Variants in CFAP46 observed in about 807,000 individuals in gnomAD.
CFAP46 encodes the protein cilia- and flagella-associated protein 46.
In CFAP46, 245 loss-of-function variants were observed where a neutral mutation model predicts 325.7. The observed-to-expected ratio is 0.75, with a 90% CI of 0.68 to 0.84. CFAP46 has a LOEUF of 0.84. Ranked by LOEUF, CFAP46 falls within the 40% of genes least tolerant of loss-of-function variation. The pLI is 0.00. For missense variants in CFAP46, 3,346 were observed against 3,543.0 expected (o/e 0.94, Z 1.41); for synonymous variants, 1,523 against 1,495.9 (o/e 1.02, Z -0.42).
rs1315386611 is a variant in CFAP46 at position 132,846,975 on chromosome 10, G to A, written c.6224C>T (p.Thr2075Ile). The A allele has an allele frequency of 1.2e-6, 2 of 1,611,038 alleles. No homozygotes were observed. The highest frequency in any genetic ancestry group is 1.7e-5 in the Admixed American group (1 of 59,978). ...ASLEMVECVG[T>I]LDPATTCQFL... Reference sequence around the variant, plus strand: ...CTGGCAGGTAGTTGCAGGGTCCAGGGTGCCGACACACTCCACCATCTCCAG... The same window carrying A: ...CTGGCAGGTAGTTGCAGGGTCCAGGATGCCGACACACTCCACCATCTCCAG... The change falls in exon 43 of 58, where the codon ACC (threonine) becomes ATC (isoleucine). Residue 2075 changes from threonine (T) to isoleucine (I), a missense_variant. Coordinates refer to ENST00000368586, the MANE Select transcript of CFAP46 (RefSeq NM_001200049.3).
intron 7 of CFAP46, among the ~76,000 whole-genome samples, 185 bp downstream of exon 7, chr10:132,936,776 T>C (rs1256643250): frequency 1.3e-5 from 2 of 152,226 alleles, no homozygotes; most frequent in African/African-American, 2.4e-5. Context: ...GGGCCAGGAA[T>C]TGGGGTGGCC....
chr10:132,936,854 C>T (rs1591102107), intron 7 of CFAP46, 107 bp downstream of exon 7: 5 of 544,574 alleles, frequency 9.2e-6, no homozygotes, highest in South Asian at 1.2e-4. Context: ...CAACTCCAGA[C>T]TCACAGGCCC....
At position 132,832,829 on chromosome 10, in the gene CFAP46, G is replaced by A; in HGVS notation, c.7117+529C>T. ...TGAGTGATTAACGGAGAGGCTGGCT[G>A]TTTACTACACATCTGGTCCCCTCCT... is the stretch of plus-strand genomic sequence containing the variant. On this transcript the variant is annotated intron_variant, in intron 50 of 57. Coordinates refer to ENST00000368586, the MANE Select transcript of CFAP46 (RefSeq NM_001200049.3). The surrounding 1 kb of genome is among the most constrained non-coding windows in gnomAD (Gnocchi z 4.1). 1 of 470,820 alleles carries A rather than the reference G, an allele frequency of 2.1e-6. No homozygotes were observed. The highest frequency in any genetic ancestry group is 1.5e-5 in the South Asian group (1 of 64,556). The allele number at this position is 470,820 out of a possible 1,614,324, so 29.2% of individuals were successfully genotyped here. A position where few individuals can be genotyped will look rare whatever the true frequency, so the allele number is the denominator to read the frequency against.
chr10:132,848,960 A>G (rs12243999), intron 41 of CFAP46, among the ~76,000 whole-genome samples: 14,882 of 152,272 alleles, frequency 0.098, 737 homozygotes, highest in South Asian at 0.13. Flanking sequence ...ACAGCCTTGA[A>G]TACAAGAAAA....
intron 41 of CFAP46, among the ~76,000 whole-genome samples, chr10:132,849,295 C>G (rs1277129540): frequency 6.6e-6 from 1 of 152,252 alleles, no homozygotes; most frequent in Non-Finnish European, 1.5e-5. Context: ...CATCAATTCA[C>G]TCGAGGTACA....
chr10:132,861,155 G>A (rs1211286632), intron 35 of CFAP46, among the ~76,000 whole-genome samples, 173 bp from the exon 36 acceptor site: 1 of 152,196 alleles, frequency 6.6e-6, no homozygotes, highest in Non-Finnish European at 1.5e-5. Flanking sequence ...TGGGGCCCAT[G>A]GCCGCCCTCG....
chr10:132,831,888 G>A (rs1431571645), intron 50 of CFAP46, among the ~76,000 whole-genome samples: 3 of 151,812 alleles, frequency 2.0e-5, no homozygotes, highest in Non-Finnish European at 4.4e-5. Flanking sequence ...TATAAACTCT[G>A]TGGGGTTTTT....
chr10:132,934,008 C>T (rs1849953421), intron 8 of CFAP46, among the ~76,000 whole-genome samples: 1 of 152,198 alleles, frequency 6.6e-6, no homozygotes, highest in Non-Finnish European at 1.5e-5. Context: ...TGCCCGGGTA[C>T]CTGAACCGCA....
chr10:132,855,206 C>T (rs1394830007), intron 39 of CFAP46, among the ~76,000 whole-genome samples: 3 of 152,166 alleles, frequency 2.0e-5, no homozygotes, highest in Admixed American at 6.5e-5. Flanking sequence ...TTGTGAAACT[C>T]TGTTATTAGC....
rs540827947 is a variant in CFAP46 at position 132,938,930 on chromosome 10, T to C, written c.372-177A>G. ...GGCCCAGCCTGCAGGAGCACCAGGA[T>C]GCAGAGCCCTTCCCTGGGACAGCCT... On this transcript the variant is annotated intron_variant, in intron 4 of 57. Coordinates refer to ENST00000368586, the MANE Select transcript of CFAP46 (RefSeq NM_001200049.3). Among the ~76,000 whole-genome samples the C allele has an allele frequency of 3.3e-5, 5 of 152,268 alleles. No homozygotes were observed. The South Asian group carries it at 8.3e-4, about 25-fold the overall frequency.
chr10:132,815,219 C>G (rs1847670415), intron 50 of CFAP46, among the ~76,000 whole-genome samples: 1 of 152,236 alleles, frequency 6.6e-6, no homozygotes, highest in Non-Finnish European at 1.5e-5. Flanking sequence ...CCGGGCCCCT[C>G]ACTGGTTCCA....
At chr10:132,822,816 GTGCTGTGTGTGCTGA>G (rs1847903167) in intron 50 of CFAP46, among the ~76,000 whole-genome samples, 1 of 99,870 alleles carries the variant, frequency 1.0e-5, no homozygotes, top group South Asian at 3.4e-4. Context: ...TGTGTGCTGT[GTGCTGTGTGTGCTGA>G]TGTGTGCTGA....
chr10:132,925,897 C>T (rs1024216689), intron 10 of CFAP46, among the ~76,000 whole-genome samples: 2 of 152,356 alleles, frequency 1.3e-5, no homozygotes, highest in African/African-American at 2.4e-5. Context: ...AGCGGAGCCT[C>T]GCACTGCCTG....
intron 50 of CFAP46, among the ~76,000 whole-genome samples, chr10:132,821,537 GATGTGTGC>G (rs1847829043): frequency 7.7e-6 from 1 of 129,900 alleles, no homozygotes; most frequent in African/African-American, 3.1e-5. Flanking sequence ...GATGTGTGCT[GATGTGTGC>G]TGTGTGCTGA....
intron 55 of CFAP46, among the ~76,000 whole-genome samples, chr10:132,811,403 C>G (rs1399784905): frequency 6.6e-6 from 1 of 152,212 alleles, no homozygotes; most frequent in Non-Finnish European, 1.5e-5. Flanking sequence ...GGAGCCCTCC[C>G]CAAGGACGGA....
At chr10:132,840,628 C>T (rs1031180253) in intron 44 of CFAP46, among the ~76,000 whole-genome samples, 4 of 152,278 alleles carry the variant, frequency 2.6e-5, no homozygotes, top group Admixed American at 1.3e-4. Flanking sequence ...TTTTCATTCT[C>T]TAAGTCAGTT....
chr10:132,897,753 C>T (rs893164185), intron 24 of CFAP46, among the ~76,000 whole-genome samples: 2 of 152,242 alleles, frequency 1.3e-5, no homozygotes, highest in Admixed American at 1.3e-4. Context: ...CAGACCCAGG[C>T]TTCCTGGGGG....
rs1241814333 is a variant in CFAP46 at position 132,886,695 on chromosome 10, C to T, written c.3305-736G>A. Among the ~76,000 whole-genome samples, 6 of 152,180 alleles carry T rather than the reference C, an allele frequency of 3.9e-5. No homozygotes were observed. The highest frequency in any genetic ancestry group is 1.4e-4 in the African/African-American group (6 of 41,434). The stretch of plus-strand genomic sequence containing the variant: ...ATCCCCAGTGAGCACAGAACCCAGC[C>T]CACTCTGCCACCTTCCGGCCAAGAG... On this transcript the variant is annotated intron_variant, in intron 25 of 57. Transcript: ENST00000368586. The surrounding 1 kb of genome is among the most constrained non-coding windows in gnomAD (Gnocchi z 5.8).
Position 132,846,071 on chromosome 10 carries a change from C to T in CFAP46, c.6424G>A (p.Ala2142Thr). 1.3e-6 allele frequency: 2 copies of T among 1,581,488 alleles called. No homozygotes were observed. Among genetic ancestry groups the T allele is most frequent in the South Asian group, 1.1e-5 (1 of 87,194 alleles). Residue 2142 changes from alanine (A) to threonine (T), a missense_variant, in exon 44 of 58, where the codon GCC becomes ACC. Ala to Thr is a moderately conservative substitution (Grantham distance 58). Transcript: ENST00000368586. ...SLGARVEQRL[A>T]AVSKAWQNLC... ...TGCCCGCTTACCTTGGACACGGCGGCCAGCCTCTGCTCCACACGGGCGCCC... is the reference window on the plus strand; with the variant it reads ...TGCCCGCTTACCTTGGACACGGCGGTCAGCCTCTGCTCCACACGGGCGCCC...
Sources: gnomAD v4.1 joint callset for allele counts (sites outside exome capture counted in the v4.1 genomes callset) on GRCh38, gnomAD v4.1.1 for gene constraint, Gnocchi (gnomAD v3.1) non-coding constraint, MANE v1.5 for transcripts, NCBI Gene and HGNC (gene_info 2026-07-23, HGNC 2026-07-21) for gene names.